The following ROBO1 variants were observed in gnomAD, a reference collection of about 807,000 sequenced individuals.
The protein encoded by ROBO1 is roundabout homolog 1.
ROBO1 carries 149 observed loss-of-function variants against 195.9 expected under a neutral mutation model. That is an observed-to-expected ratio of 0.76 (90% confidence interval 0.67 to 0.87). The LOEUF (loss-of-function observed/expected upper bound fraction) is 0.87, where lower values mean the gene tolerates loss of function less well. ROBO1 is among the 40% of genes least tolerant of loss of function. The pLI is 0.00. For synonymous variants in ROBO1, 816 were observed against 733.2 expected, an observed-to-expected ratio of 1.11 and a Z score of -1.82; for missense variants, 1,933 against 2,068.3, an observed-to-expected ratio of 0.93 and a Z score of 1.27.
At chr3:79,430,200 C>G (rs890985908) in intron 2 of ROBO1, among the ~76,000 whole-genome samples, 13 of 152,118 alleles carry the variant, frequency 8.5e-5, no homozygotes, top group East Asian at 5.8e-4. Flanking sequence ...AAAAACTGGT[C>G]TTTTGAAATA....
At chr3:79,457,085 C>G (rs567814547) in intron 2 of ROBO1, among the ~76,000 whole-genome samples, 128 of 152,172 alleles carry the variant, frequency 8.4e-4, no homozygotes, top group African/African-American at 2.9e-3. Context: ...CTCACAGACT[C>G]CAAAACGAAT....
chr3:79,364,941 C>A (rs146135777), intron 2 of ROBO1, among the ~76,000 whole-genome samples: 4 of 152,256 alleles, frequency 2.6e-5, no homozygotes, highest in Non-Finnish European at 5.9e-5. Context: ...AAAAGTAGTT[C>A]TCTTTGGGGA....
chr3:79,313,246 A>G (rs995397493), intron 2 of ROBO1, among the ~76,000 whole-genome samples: 1 of 152,104 alleles, frequency 6.6e-6, no homozygotes, highest in African/African-American at 2.4e-5. Context: ...AAATCATATA[A>G]AGAGCAAAGA....
chr3:79,103,081 G>A (rs773879813), intron 3 of ROBO1, among the ~76,000 whole-genome samples: 1 of 151,748 alleles, frequency 6.6e-6, no homozygotes, highest in Non-Finnish European at 1.5e-5. Context: ...GATATGTTGT[G>A]AAACCAATAC....
chr3:79,725,022 C>T (rs1702854157), intron 1 of ROBO1, among the ~76,000 whole-genome samples: 1 of 152,064 alleles, frequency 6.6e-6, no homozygotes, highest in Non-Finnish European at 1.5e-5. Context: ...AAAGATGATT[C>T]TCTTTCCAGT....
intron 8 of ROBO1, among the ~76,000 whole-genome samples, chr3:78,701,654 C>A (rs1226386111): frequency 1.3e-5 from 2 of 152,128 alleles, no homozygotes. Context: ...TCACTAATGA[C>A]CTAAAAGGCA....
intron 3 of ROBO1, among the ~76,000 whole-genome samples, chr3:79,080,600 A>C (rs2108460713): frequency 1.3e-5 from 2 of 152,202 alleles, no homozygotes; most frequent in South Asian, 4.1e-4. Flanking sequence ...ATATATGAAA[A>C]ACAGTATTTG....
intron 21 of ROBO1, among the ~76,000 whole-genome samples, chr3:78,643,813 G>A (rs1160493820): frequency 1.3e-5 from 2 of 152,112 alleles, no homozygotes; most frequent in African/African-American, 4.8e-5. Flanking sequence ...ATAGATAAAG[G>A]TAGGACTCCT....
Position 78,635,926 on chromosome 3 carries a change from C to G in ROBO1, c.3220G>C (p.Ala1074Pro), listed in dbSNP as rs920228344. 1 of 1,613,844 alleles carries G rather than the reference C, an allele frequency of 6.2e-7. No individual in the cohort carries two copies. The highest frequency in any genetic ancestry group is 1.7e-5 in the Admixed American group (1 of 60,004). The change falls in exon 23 of 31, where the codon GCC becomes CCC. Residue 1074 changes from alanine (A) to proline (P), a missense_variant. Physicochemically the swap from Ala to Pro is conservative, Grantham distance 27. Transcript: ENST00000464233. ...TTTGACTGGATGAGCTGAGTGGTGG[C>G]GTAAGGAGTAGGCTGCCCTGATGGA... The part of the protein sequence containing the change: ...VNPSGQPTPY[A>P]TTQLIQSNLS...
intron 2 of ROBO1, among the ~76,000 whole-genome samples, chr3:79,538,396 T>C (rs13094904): frequency 0.048 from 7,309 of 151,254 alleles, 202 homozygotes; most frequent in Middle Eastern, 0.065. Context: ...AAACAGTATC[T>C]TATTTGGTAG....
intron 2 of ROBO1, among the ~76,000 whole-genome samples, chr3:79,359,907 G>C (rs1232363495): frequency 6.6e-6 from 1 of 151,940 alleles, no homozygotes; most frequent in Non-Finnish European, 1.5e-5. Context: ...AGGCCCTGTT[G>C]GGAGGATTTC....
intron 3 of ROBO1, among the ~76,000 whole-genome samples, chr3:78,964,817 T>G (rs1307039938): frequency 1.3e-5 from 2 of 151,780 alleles, no homozygotes; most frequent in Admixed American, 6.6e-5. Context: ...TTTTTGTTTT[T>G]TTTTTTTAAA....
chr3:79,693,635 G>C (rs1947360206), intron 1 of ROBO1, among the ~76,000 whole-genome samples: 1 of 151,446 alleles, frequency 6.6e-6, no homozygotes, highest in Non-Finnish European at 1.5e-5. Context: ...TTGAATCTCG[G>C]TAATGTGGCC....
At chr3:78,805,686 A>G (rs2084515674) in intron 4 of ROBO1, among the ~76,000 whole-genome samples, 1 of 152,064 alleles carries the variant, frequency 6.6e-6, no homozygotes, top group South Asian at 2.1e-4. Flanking sequence ...ATCTTTCAAT[A>G]TTATCATATT....
chr3:79,222,671 T>C (rs2082160958), intron 2 of ROBO1, among the ~76,000 whole-genome samples: 1 of 151,918 alleles, frequency 6.6e-6, no homozygotes, highest in Non-Finnish European at 1.5e-5. Flanking sequence ...ATTATCAACA[T>C]AATCCCTAGA....
chr3:79,293,855 G>C (rs1437294737), intron 2 of ROBO1, among the ~76,000 whole-genome samples: 1 of 151,388 alleles, frequency 6.6e-6, no homozygotes, highest in South Asian at 2.1e-4. Flanking sequence ...TCAGGAGATC[G>C]AGACCATCCT....
At position 79,284,802 on chromosome 3, in the gene ROBO1, C is replaced by G. The variant is rs999537247; in HGVS notation, c.89-159263G>C. On this transcript the variant is annotated intron_variant, in intron 2 of 30. Transcript: ENST00000464233. ...TGCATCTAAAACAAATGAGATAGTA[C>G]AGTTATTGATTAGTCATCTTAATTC... Among the ~76,000 whole-genome samples the G allele has an allele frequency of 8.5e-5, 13 of 152,122 alleles. No homozygotes were observed. In the South Asian group the frequency reaches 2.7e-3, roughly 32 times the overall value.
At chr3:79,612,804 G>GT (rs1388878629) in intron 1 of ROBO1, among the ~76,000 whole-genome samples, 2 of 792 alleles carry the variant, frequency 2.5e-3, no homozygotes, top group Non-Finnish European at 4.9e-3. Flanking sequence ...TTTTTCATGT[G>GT]TTTTTTGGCT....
At chr3:79,186,221 G>A (rs377400525) in intron 2 of ROBO1, among the ~76,000 whole-genome samples, 1 of 152,028 alleles carries the variant, frequency 6.6e-6, no homozygotes. Context: ...GAGCATATGC[G>A]ATTTTCATTA....
Sources: gnomAD v4.1 joint callset for allele counts (sites outside exome capture counted in the v4.1 genomes callset) on GRCh38, gnomAD v4.1.1 for gene constraint, MANE v1.5 for transcripts, NCBI Gene and HGNC (gene_info 2026-07-23, HGNC 2026-07-21) for gene names.